ROR1: variants seen among roughly 807,000 people sequenced by gnomAD.
ROR1 encodes the protein inactive tyrosine-protein kinase transmembrane receptor ROR1.
Under a neutral mutation model 78.8 loss-of-function variants are expected in ROR1, and 19 were observed. The ratio of observed to expected loss-of-function variants is 0.24; its 90% CI spans 0.17 to 0.35. The LOEUF is 0.35. ROR1 is among the 10% of genes least tolerant of loss of function. ROR1 has a pLI of 1.00. For synonymous variants in ROR1, 386 were observed against 433.6 expected, an observed-to-expected ratio of 0.89 and a Z score of 1.36; for missense variants, 917 against 1,177.8, an observed-to-expected ratio of 0.78 and a Z score of 3.24.
At chr1:63,918,429 C>A (rs945948541) in intron 1 of ROR1, among the ~76,000 whole-genome samples, 6 of 152,262 alleles carry the variant, frequency 3.9e-5, no homozygotes, top group Non-Finnish European at 1.5e-5. Context: ...TCTGTCTGAG[C>A]CCAGACCCTT....
intron 8 of ROR1, among the ~76,000 whole-genome samples, chr1:64,165,704 T>TC (rs1650067792): frequency 6.9e-6 from 1 of 144,758 alleles, no homozygotes; most frequent in African/African-American, 2.5e-5. Flanking sequence ...GGTTTTACTT[T>TC]TTTTTTTTTT....
chr1:63,990,312 G>A (rs902139979), intron 1 of ROR1, among the ~76,000 whole-genome samples: 3 of 152,162 alleles, frequency 2.0e-5, no homozygotes, highest in African/African-American at 2.4e-5. Flanking sequence ...CACTTTGAAC[G>A]TGGGTCTTCA....
At chr1:63,846,174 G>C (rs952519811) in intron 1 of ROR1, among the ~76,000 whole-genome samples, 1 of 145,960 alleles carries the variant, frequency 6.9e-6, no homozygotes, top group African/African-American at 2.5e-5. Flanking sequence ...GTGTGTGTTT[G>C]AGAAATCAGC....
In ROR1 at chr1:64,178,343, A is replaced by G. The variant is rs1393625140; in HGVS notation, c.2302A>G (p.Thr768Ala). The G allele has an allele frequency of 6.2e-6, 10 of 1,614,084 alleles. No homozygotes were observed. Among genetic ancestry groups the G allele is most frequent in the African/African-American group, 2.7e-5 (2 of 74,928 alleles). ...TACTCCTTCAGGGGGAAATGCCACCACACAGACAACCTCCCTCAGTGCCAG... is the reference window on the plus strand; with the variant it reads ...TACTCCTTCAGGGGGAAATGCCACCGCACAGACAACCTCCCTCAGTGCCAG... ...STTPSGGNAT[T>A]QTTSLSASPV... Residue 768 changes from threonine (T) to alanine (A), a missense_variant, in exon 9 of 9, where the codon ACA (threonine) becomes GCA (alanine). Physicochemically the swap from Thr to Ala is moderately conservative, Grantham distance 58. Transcript: ENST00000371079. This position sits in a 1 kb window ranked among gnomAD's most constrained non-coding sequence, Gnocchi z 4.3.
chr1:63,873,908 G>A (rs1419129254), intron 1 of ROR1, among the ~76,000 whole-genome samples: 1 of 152,048 alleles, frequency 6.6e-6, no homozygotes, highest in African/African-American at 2.4e-5. Flanking sequence ...CTTGACCTTA[G>A]ATACTTCTCC....
At chr1:64,112,322 T>G (rs2100675429) in intron 4 of ROR1, 1 of 152,278 alleles carries the variant, frequency 6.6e-6, no homozygotes, top group African/African-American at 2.4e-5. Context: ...ATCCTCATCA[T>G]AACCACATGA....
intron 2 of ROR1, among the ~76,000 whole-genome samples, chr1:64,040,744 A>G (rs1286288846): frequency 6.6e-6 from 1 of 152,176 alleles, no homozygotes; most frequent in African/African-American, 2.4e-5. Flanking sequence ...GACTAATCCC[A>G]TTCGTGAAGG....
At chr1:64,167,422 A>G (rs1354171007) in intron 8 of ROR1, among the ~76,000 whole-genome samples, 1 of 152,214 alleles carries the variant, frequency 6.6e-6, no homozygotes, top group Non-Finnish European at 1.5e-5. Flanking sequence ...ACTCCAAGCA[A>G]GTGTGGCAAA....
At position 64,125,155 on chromosome 1, in the gene ROR1, T is replaced by C. The variant is rs191049794; in HGVS notation, c.483-12214T>C. On this transcript the variant is annotated intron_variant, in intron 4 of 8. Coordinates refer to ENST00000371079, the MANE Select transcript of ROR1 (RefSeq NM_005012.4). ...AATCAAATGTGTGAACACTAAACGT[T>C]TTTACGTATGTTTGCTGTAGAGGTT... is the stretch of plus-strand genomic sequence containing the variant. Among the ~76,000 whole-genome samples the C allele has an allele frequency of 2.7e-3, 411 of 152,332 alleles. 1 individual carries two copies. The highest frequency in any genetic ancestry group is 4.8e-3 in the Non-Finnish European group (326 of 68,024).
intron 4 of ROR1, among the ~76,000 whole-genome samples, chr1:64,073,835 GA>G (rs71836156): frequency 0.036 from 5,477 of 151,220 alleles, 162 homozygotes; most frequent in African/African-American, 0.08. Context: ...TGTGGGAAAG[GA>G]AAAAAAAATC....
chr1:64,099,138 A>G (rs1647418333), intron 4 of ROR1, among the ~76,000 whole-genome samples: 1 of 152,068 alleles, frequency 6.6e-6, no homozygotes, highest in Non-Finnish European at 1.5e-5. Context: ...ACATTAGCGT[A>G]TACTCCCACC....
In ROR1 at chr1:64,178,904, T is replaced by G; in HGVS notation, c.*49T>G. 4 of 1,342,816 alleles carry G rather than the reference T, an allele frequency of 3.0e-6. No individual in the cohort carries two copies. Among genetic ancestry groups the G allele is most frequent in the Non-Finnish European group, 4.1e-6 (4 of 969,440 alleles). The allele number at this position is 1,342,816 out of a possible 1,614,324, so 83.2% of individuals were successfully genotyped here. ...GTATACAGGACAAACTAGACGGCCGTAGAAAAGATTTATATTCAAATGTTT... is the reference window on the plus strand; with the variant it reads ...GTATACAGGACAAACTAGACGGCCGGAGAAAAGATTTATATTCAAATGTTT... On this transcript the variant is annotated 3_prime_UTR_variant, in exon 9 of 9. Transcript: ENST00000371079. This position sits in a 1 kb window ranked among gnomAD's most constrained non-coding sequence, Gnocchi z 4.3.
intron 4 of ROR1, among the ~76,000 whole-genome samples, chr1:64,083,592 A>AG (rs1161585951): frequency 5.6e-5 from 6 of 107,032 alleles, no homozygotes; most frequent in African/African-American, 1.7e-4. Flanking sequence ...AGAGAGAGAG[A>AG]GAGAAAAAAA....
intron 1 of ROR1, among the ~76,000 whole-genome samples, chr1:63,817,765 T>C (rs1644900882): frequency 2.0e-5 from 3 of 152,052 alleles, no homozygotes; most frequent in Admixed American, 2.0e-4. Flanking sequence ...TCAATTTCAT[T>C]TGTTTGGGTT....
At chr1:63,940,488 GATA>G (rs1387154103) in intron 1 of ROR1, among the ~76,000 whole-genome samples, 2 of 77,316 alleles carry the variant, frequency 2.6e-5, no homozygotes, top group African/African-American at 3.6e-5. Context: ...TAGACAGATA[GATA>G]GACAGACAGA....
intron 4 of ROR1, among the ~76,000 whole-genome samples, chr1:64,079,711 A>G (rs549012051): frequency 1.1e-4 from 17 of 152,068 alleles, no homozygotes; most frequent in Non-Finnish European, 2.1e-4. Flanking sequence ...TGAACTCCTG[A>G]CCTCAAGTGA....
chr1:63,798,087 C>G (rs971322027), intron 1 of ROR1, among the ~76,000 whole-genome samples: 1 of 152,108 alleles, frequency 6.6e-6, no homozygotes, highest in Admixed American at 6.5e-5. Flanking sequence ...GTCTCCTGAT[C>G]ATGAAGATTT....
intron 1 of ROR1, among the ~76,000 whole-genome samples, chr1:64,004,510 TG>T (rs1646412430): frequency 6.6e-6 from 1 of 152,180 alleles, no homozygotes; most frequent in African/African-American, 2.4e-5. Flanking sequence ...AGAAAGGCAG[TG>T]GGGTAGCCAC....
At chr1:63,851,546 A>G (rs1645113992) in intron 1 of ROR1, among the ~76,000 whole-genome samples, 2 of 152,222 alleles carry the variant, frequency 1.3e-5, no homozygotes, top group Admixed American at 6.5e-5. Flanking sequence ...GTAAAAAAAG[A>G]CCACCATCAC....
Sources: gnomAD v4.1 joint callset for allele counts (sites outside exome capture counted in the v4.1 genomes callset) on GRCh38, gnomAD v4.1.1 for gene constraint, Gnocchi (gnomAD v3.1) non-coding constraint, MANE v1.5 for transcripts, NCBI Gene and HGNC (gene_info 2026-07-23, HGNC 2026-07-21) for gene names.